The following TNRC6A variants were observed in gnomAD, a reference collection of about 807,000 sequenced individuals.
TNRC6A encodes trinucleotide repeat-containing gene 6A protein.
A neutral mutation model predicts 221.2 loss-of-function variants in TNRC6A; 44 were observed. That is an observed-to-expected ratio of 0.20 (90% CI 0.16 to 0.26). The LOEUF (loss-of-function observed/expected upper bound fraction) is 0.26, where lower values mean the gene tolerates loss of function less well. TNRC6A is among the 10% of genes least tolerant of loss of function. The pLI is 1.00. For missense variants in TNRC6A, 2,199 were observed against 2,404.4 expected, an observed-to-expected ratio of 0.91 and a Z score of 1.79; for synonymous variants, 847 against 838.5, an observed-to-expected ratio of 1.01 and a Z score of -0.18.
chr16:24,674,982 C>G (rs190260274), intron 2 of TNRC6A, among the ~76,000 whole-genome samples: 6 of 152,064 alleles, frequency 3.9e-5, no homozygotes, highest in Non-Finnish European at 8.8e-5. Context: ...TCTACAAAAA[C>G]AAAAATTTTT....
intron 4 of TNRC6A, among the ~76,000 whole-genome samples, chr16:24,761,624 C>A (rs568375418): frequency 9.2e-5 from 14 of 152,050 alleles, no homozygotes; most frequent in African/African-American, 3.4e-4. Context: ...TAGCTCACTG[C>A]GGCCTTGAAC....
In TNRC6A at chr16:24,791,330, C is replaced by T. The variant is rs1355451717; in HGVS notation, c.2688C>T (p.Phe896=). ...GWNELGKTSS[F]TWGNNINPNN... ...ACGAACTTGGTAAAACTAGTTCTTT[C>T]ACTTGGGGAAACAACATAAATCCAA... The change falls in exon 6 of 25, where the codon TTC becomes TTT. Residue 896 remains phenylalanine, a synonymous_variant. Transcript: ENST00000395799. 1 of 1,605,310 alleles carries T rather than the reference C, an allele frequency of 6.2e-7. No homozygotes were observed. The highest frequency in any genetic ancestry group is 2.2e-5 in the East Asian group (1 of 44,812).
chr16:24,710,779 G>C (rs184765248), intron 2 of TNRC6A, among the ~76,000 whole-genome samples: 2 of 148,442 alleles, frequency 1.3e-5, no homozygotes, highest in South Asian at 4.2e-4. Context: ...TGGTGCGATC[G>C]TGGCTCACTG....
intron 2 of TNRC6A, among the ~76,000 whole-genome samples, chr16:24,650,969 CGTGGCCA>C (rs1902608010): frequency 6.6e-6 from 1 of 152,142 alleles, no homozygotes; most frequent in South Asian, 2.1e-4. Flanking sequence ...ATTTGCCACA[CGTGGCCA>C]GTGGCCAGTG....
chr16:24,726,478 T>C (rs1340907351), upstream of TNRC6A, among the ~76,000 whole-genome samples: 3 of 151,966 alleles, frequency 2.0e-5, no homozygotes, highest in East Asian at 5.8e-4. Context: ...GTGGCAAATG[T>C]AGCTAAGAAG....
intron 2 of TNRC6A, among the ~76,000 whole-genome samples, chr16:24,733,848 A>G (rs1432122592): frequency 6.6e-6 from 1 of 152,212 alleles, no homozygotes; most frequent in Non-Finnish European, 1.5e-5. Context: ...CTAGGCAAGA[A>G]GCGATGGAGG....
Position 24,806,613 on chromosome 16 carries a change from T to C in TNRC6A, c.4369T>C (p.Ser1457Pro), listed in dbSNP as rs754449822. ...TGTGCAGCAGCAAATGATGCAACAA[T>C]CTCGTCAACTTGATCCAAACCTGTT... ...LSVQQQMMQQSRQLDPNLLVK... is the reference protein window; with the variant it reads ...LSVQQQMMQQPRQLDPNLLVK... Residue 1457 changes from serine (S) to proline (P), a missense_variant, in exon 17 of 25, where the codon TCT becomes CCT. Physicochemically the swap from Ser to Pro is moderately conservative, Grantham distance 74. This residue lies in a region of TNRC6A where 449 missense variants were observed against 579.7 expected (regional missense o/e 0.77). Coordinates refer to ENST00000395799, the MANE Select transcript of TNRC6A (RefSeq NM_014494.4). The C allele has an allele frequency of 9.9e-6, 16 of 1,614,094 alleles. No homozygotes were observed. The highest frequency in any genetic ancestry group is 1.3e-5 in the Non-Finnish European group (15 of 1,180,044).
chr16:24,658,086 G>A (rs1163751113), intron 2 of TNRC6A, among the ~76,000 whole-genome samples: 1 of 152,070 alleles, frequency 6.6e-6, no homozygotes, highest in Non-Finnish European at 1.5e-5. Flanking sequence ...TTATATAGAA[G>A]CAGAATTGCT....
At chr16:24,729,298 G>A (rs146845921), upstream of TNRC6A, among the ~76,000 whole-genome samples, 1,158 of 131,318 alleles carry the variant, frequency 8.8e-3, 16 homozygotes, top group African/African-American at 0.032. Context: ...TGCGTTTTAG[G>A]CAATTTTTTT....
intron 4 of TNRC6A, among the ~76,000 whole-genome samples, chr16:24,758,673 C>G (rs1027704554): frequency 6.6e-6 from 1 of 152,136 alleles, no homozygotes; most frequent in Non-Finnish European, 1.5e-5. Flanking sequence ...AGTCTTCCTT[C>G]TAAAAGTCTT....
intron 1 of TNRC6A, among the ~76,000 whole-genome samples, chr16:24,638,708 C>T (rs534936463): frequency 8.7e-5 from 9 of 102,954 alleles, no homozygotes; most frequent in Non-Finnish European, 1.3e-4. Flanking sequence ...GCAAGGTTGT[C>T]TCAAAAAAAA....
chr16:24,700,267 A>G (rs376401323), intron 2 of TNRC6A, among the ~76,000 whole-genome samples: 217 of 151,200 alleles, frequency 1.4e-3, no homozygotes, highest in African/African-American at 5.1e-3. Context: ...ACAGAGTCTC[A>G]CTCTGTTGCC....
rs374570045 is a variant in TNRC6A, at chr16:24,809,417, G to A, written c.4608G>A (p.Arg1536=). Residue 1536 remains arginine, a synonymous_variant, in exon 18 of 25, where the codon AGG becomes AGA. Coordinates refer to ENST00000395799, the MANE Select transcript of TNRC6A (RefSeq NM_014494.4). ...NSIKEPQSRL[R]KWTTVDSISV... ...TTAAAGAGCCACAGTCAAGACTAAG[G>A]AAGTGGACGACAGTGGACAGCATTT... 6.3e-7 allele frequency: 1 copy of A among 1,599,314 alleles called. No individual in the cohort carries two copies. Among genetic ancestry groups the A allele is most frequent in the African/African-American group, 1.3e-5 (1 of 74,088 alleles).
chr16:24,695,055 A>C (rs9927773), intron 2 of TNRC6A, among the ~76,000 whole-genome samples: 37,290 of 152,058 alleles, frequency 0.25, 4,981 homozygotes, highest in Non-Finnish European at 0.32. Context: ...CAGAAAACCC[A>C]CATCGGATAA....
chr16:24,822,231 CTGCTAGGTGGTAG>C (rs1168701551), intron 23 of TNRC6A, 84 bp downstream of exon 23: 2 of 1,363,376 alleles, frequency 1.5e-6, no homozygotes, highest in African/African-American at 2.9e-5. Flanking sequence ...GAGACAAGGG[CTGCTAGGTGGTAG>C]TGAAGCCGAG....
intron 2 of TNRC6A, among the ~76,000 whole-genome samples, chr16:24,721,249 T>C (rs1041270526): frequency 6.6e-6 from 1 of 152,206 alleles, no homozygotes; most frequent in Non-Finnish European, 1.5e-5. Context: ...ATTCTATTTC[T>C]GGGTATTTAT....
intron 2 of TNRC6A, among the ~76,000 whole-genome samples, chr16:24,683,119 A>G (rs1174867822): frequency 6.6e-6 from 1 of 152,098 alleles, no homozygotes; most frequent in African/African-American, 2.4e-5. Context: ...CTTATCAGAT[A>G]CTGGAAGCCC....
At chr16:24,765,046 G>T (rs1256419500) in intron 4 of TNRC6A, among the ~76,000 whole-genome samples, 4 of 152,174 alleles carry the variant, frequency 2.6e-5, no homozygotes, top group Non-Finnish European at 5.9e-5. Context: ...CATGGGGTAA[G>T]ACTTTGGAAA....
chr16:24,732,810 C>G (rs1301501541), intron 2 of TNRC6A, among the ~76,000 whole-genome samples: 1 of 152,182 alleles, frequency 6.6e-6, no homozygotes, highest in Non-Finnish European at 1.5e-5. Context: ...CCAGATATTG[C>G]TAGATGTCCC....
Sources: gnomAD v4.1 joint callset for allele counts (sites outside exome capture counted in the v4.1 genomes callset) on GRCh38, gnomAD v4.1.1 for gene constraint, gnomAD v4.1.1 regional missense constraint, MANE v1.5 for transcripts, NCBI Gene and HGNC (gene_info 2026-07-23, HGNC 2026-07-21) for gene names.